HPS4: variants seen among roughly 807,000 people sequenced by gnomAD.
The protein encoded by HPS4 is HPS4 biogenesis of lysosomal organelles complex 3 subunit 2.
HPS4 carries 44 observed loss-of-function variants against 70.3 expected under a neutral mutation model. The observed-to-expected ratio is 0.63, with a 90% confidence interval of 0.49 to 0.80. The LOEUF is 0.80. HPS4 is among the 30% of genes least tolerant of loss of function. The pLI, the probability that HPS4 is intolerant of heterozygous loss-of-function variation, is 0.00. For missense variants in HPS4, 873 were observed against 884.4 expected (o/e 0.99, Z 0.16); for synonymous variants, 377 against 355.9 (o/e 1.06, Z -0.67).
chr22:26,479,146 G>A, intron 3 of HPS4, 119 bp downstream of exon 3: 1 of 964,454 alleles, frequency 1.0e-6, no homozygotes, highest in South Asian at 1.4e-5. Flanking sequence ...GAATAAGACA[G>A]TAGAAATGTC....
At chr22:26,478,435 G>A (rs574466016) in intron 3 of HPS4, among the ~76,000 whole-genome samples, 14 of 152,074 alleles carry the variant, frequency 9.2e-5, no homozygotes, top group Admixed American at 9.2e-4. Flanking sequence ...GCCGGGCGTG[G>A]TAGCGGGCGA....
At chr22:26,453,621 T>G (rs1200338290) in intron 13 of HPS4, 1 of 604,500 alleles carries the variant, frequency 1.7e-6, no homozygotes, top group Non-Finnish European at 3.0e-6. Context: ...GCTGGAAGAG[T>G]CCGTGGCGGG....
intron 2 of HPS4, among the ~76,000 whole-genome samples, chr22:26,481,217 C>A (rs1217765072): frequency 6.6e-6 from 1 of 152,074 alleles, no homozygotes; most frequent in East Asian, 1.9e-4. Flanking sequence ...CCTGCTAATT[C>A]TAGCTAAACC....
At position 26,463,736 on chromosome 22, in the gene HPS4, C is replaced by A. The variant is rs117069753; in HGVS notation, c.1713+181G>T. On this transcript the variant is annotated intron_variant, in intron 11 of 13. Coordinates refer to ENST00000398145, the MANE Select transcript of HPS4 (RefSeq NM_022081.6). The stretch of plus-strand genomic sequence containing the variant: ...ATGCGCTTGACTCACTCTTACCCCC[C>A]ACAAAAACCCACAGAGGCAGGTAAT... 2.2e-4 allele frequency among the ~76,000 whole-genome samples: 33 copies of A among 152,356 alleles called. No homozygotes were observed. In the East Asian group the frequency reaches 5.2e-3, roughly 24 times the overall value.
At chr22:26,465,014 G>A (rs967215965) in intron 10 of HPS4, among the ~76,000 whole-genome samples, 188 bp from the exon 11 acceptor site, 4 of 152,236 alleles carry the variant, frequency 2.6e-5, no homozygotes, top group East Asian at 1.9e-4. Flanking sequence ...GGGGCTTTAC[G>A]TAGTGACACC....
chr22:26,445,966 G>A (rs1424052507), downstream of HPS4, among the ~76,000 whole-genome samples: 1 of 152,192 alleles, frequency 6.6e-6, no homozygotes, highest in Non-Finnish European at 1.5e-5. Flanking sequence ...GTTTCCACCT[G>A]CAAGCGAGGT....
rs144622501 is a variant in HPS4, at chr22:26,481,748, G to A, written c.15C>T (p.Thr5=). The change falls in exon 2 of 14, where the codon ACC becomes ACT. Residue 5 remains threonine (T), a synonymous_variant. Transcript: ENST00000398145. The stretch of plus-strand genomic sequence containing the variant: ...ACGAGGCTGACTTTGCCTCTGTGGA[G>A]GTAGAGGTGGCCATCTACTGTGCAG... The part of the protein sequence containing the change: MATS[T]STEAKSASWW... 479 of 1,614,174 alleles carry A rather than the reference G, an allele frequency of 3.0e-4. 1 individual carries two copies. The African/African-American group carries it at 5.9e-3, about 20-fold the overall frequency.
Position 26,479,629 on chromosome 22 carries a change from A to G in HPS4, c.42-274T>C, listed in dbSNP as rs1038241381. The G allele has an allele frequency of 9.9e-6, 13 of 1,317,442 alleles. No individual in the cohort carries two copies. The Admixed American group carries it at 4.3e-4, about 44-fold the overall frequency. The allele number at this position is 1,317,442 out of a possible 1,614,324, so 81.6% of individuals were successfully genotyped here. A position where few individuals can be genotyped will look rare whatever the true frequency, so the allele number is the denominator to read the frequency against. On this transcript the variant is annotated intron_variant, in intron 2 of 13. Coordinates refer to ENST00000398145, the MANE Select transcript of HPS4 (RefSeq NM_022081.6). Reference sequence around the variant, plus strand: ...CTAGAAAAAAAAACGAGGCGCCCACAATGACTGCTCTTATTTGAAACACTG... The same window carrying G: ...CTAGAAAAAAAAACGAGGCGCCCACGATGACTGCTCTTATTTGAAACACTG...
intron 2 of HPS4, among the ~76,000 whole-genome samples, chr22:26,480,717 G>C (rs1158870784): frequency 6.6e-6 from 1 of 152,022 alleles, no homozygotes; most frequent in Admixed American, 6.6e-5. Context: ...AGGAGTTCGA[G>C]ATTAGCCTGG....
At chr22:26,458,652 CTTAG>C in intron 11 of HPS4, 75 bp from the exon 12 acceptor site, 1 of 1,560,580 alleles carries the variant, frequency 6.4e-7, no homozygotes. Flanking sequence ...TAACCACAGA[CTTAG>C]TTAAAAAAAA....
Position 26,464,428 on chromosome 22 carries a change from T to A in HPS4, c.1202A>T (p.Tyr401Phe), listed in dbSNP as rs770266719. 1.2e-6 allele frequency: 2 copies of A among 1,614,148 alleles called. No homozygotes were observed. The highest frequency in any genetic ancestry group is 4.5e-5 in the East Asian group (2 of 44,876). ...HVPVPDGRAP[Y>F]CKASLSASSS... ...GGAGGCGCTGAGAGATGCCTTGCAGTAAGGAGCCCTGCCATCTGGAACAGG... is the reference window on the plus strand; with the variant it reads ...GGAGGCGCTGAGAGATGCCTTGCAGAAAGGAGCCCTGCCATCTGGAACAGG... The change falls in exon 11 of 14, where the codon TAC (tyrosine) becomes TTC (phenylalanine). Residue 401 changes from tyrosine (Y) to phenylalanine (F), a missense_variant. By Grantham distance (22) the Tyr-to-Phe change is conservative. Coordinates refer to ENST00000398145, the MANE Select transcript of HPS4 (RefSeq NM_022081.6).
Position 26,452,326 on chromosome 22 carries a change from A to G in HPS4, c.*907T>C, listed in dbSNP as rs1333137708. The G allele has an allele frequency of 2.2e-6, 1 of 456,614 alleles. No individual in the cohort carries two copies. The highest frequency in any genetic ancestry group is 4.4e-6 in the Non-Finnish European group (1 of 226,998). 28.3% of individuals were successfully genotyped at this position (456,614 alleles called of 1,614,324 possible). A position where few individuals can be genotyped will look rare whatever the true frequency, so the allele number is the denominator to read the frequency against. ...CAAAAAAATGTCTGACTATAACGTAATAGAACTGAGGTTCTAAGTACCACA... is the reference window on the plus strand; with the variant it reads ...CAAAAAAATGTCTGACTATAACGTAGTAGAACTGAGGTTCTAAGTACCACA... On this transcript the variant is annotated 3_prime_UTR_variant, in exon 14 of 14. Transcript: ENST00000398145.
chr22:26,482,610 A>T (rs2091401076), intron 1 of HPS4: 1 of 152,224 alleles, frequency 6.6e-6, no homozygotes. Flanking sequence ...AATTTCTAAA[A>T]AATGAAGAGA....
At chr22:26,457,310 G>A (rs566070377) in intron 13 of HPS4, among the ~76,000 whole-genome samples, 69 of 144,356 alleles carry the variant, frequency 4.8e-4, no homozygotes, top group Admixed American at 1.2e-3. Context: ...TCTGCCACCC[G>A]GGTTCAAGTG....
intron 13 of HPS4, among the ~76,000 whole-genome samples, chr22:26,457,082 C>A (rs984887473): frequency 2.6e-5 from 4 of 151,956 alleles, no homozygotes; most frequent in African/African-American, 9.7e-5. Context: ...ACCAATAAAA[C>A]CTGGAGCAAT....
intron 11 of HPS4, among the ~76,000 whole-genome samples, chr22:26,459,702 C>T (rs1481840303): frequency 6.6e-6 from 1 of 152,170 alleles, no homozygotes; most frequent in African/African-American, 2.4e-5. Context: ...GAGCAAGTTA[C>T]CAAGTTTTCT....
At chr22:26,450,292 G>A (rs1335002504), downstream of HPS4, among the ~76,000 whole-genome samples, 2 of 152,200 alleles carry the variant, frequency 1.3e-5, no homozygotes, top group East Asian at 1.9e-4. Context: ...CCAGAGAAAG[G>A]TCTGCTGCTA....
downstream of HPS4, among the ~76,000 whole-genome samples, chr22:26,448,078 G>T (rs1041077067): frequency 6.6e-6 from 1 of 152,216 alleles, no homozygotes; most frequent in Non-Finnish European, 1.5e-5. Context: ...ATTGGAAGCC[G>T]AGTATCCAGG....
intron 4 of HPS4, 169 bp downstream of exon 4, chr22:26,476,821 TTGA>T: frequency 1.5e-6 from 1 of 684,942 alleles, no homozygotes; most frequent in East Asian, 2.8e-5. Context: ...TGGAAAGCAC[TTGA>T]TGATGAAAAC....
Sources: gnomAD v4.1 joint callset for allele counts (sites outside exome capture counted in the v4.1 genomes callset) on GRCh38, gnomAD v4.1.1 for gene constraint, MANE v1.5 for transcripts, NCBI Gene and HGNC (gene_info 2026-07-23, HGNC 2026-07-21) for gene names.